The following SLC17A8 variants were observed in gnomAD, a reference collection of about 807,000 sequenced individuals.
SLC17A8 encodes solute carrier family 17 member 8.
SLC17A8 carries 31 observed loss-of-function variants against 58.0 expected under a neutral mutation model. That is an observed-to-expected ratio of 0.53 (90% confidence interval 0.40 to 0.72). SLC17A8 has a LOEUF of 0.72. Among genes scored for constraint, SLC17A8 ranks in the 30% least tolerant of loss-of-function variants. SLC17A8 has a pLI of 0.00. For missense variants in SLC17A8, 655 were observed against 727.8 expected (o/e 0.90, Z 1.15); for synonymous variants, 228 against 249.0 (o/e 0.92, Z 0.79).
intron 9 of SLC17A8, chr12:100,404,373 C>T: frequency 1.6e-6 from 1 of 618,628 alleles, no homozygotes; most frequent in Non-Finnish European, 2.9e-6. Flanking sequence ...ATACATCCTT[C>T]CACATTTATT....
At chr12:100,381,704 A>C (rs191582944) in intron 2 of SLC17A8, among the ~76,000 whole-genome samples, 1 of 152,312 alleles carries the variant, frequency 6.6e-6, no homozygotes, top group Admixed American at 6.5e-5. Context: ...GTAATGTTTT[A>C]AGTTCTTAAA....
chr12:100,403,193 T>C (rs1394703090), intron 8 of SLC17A8, among the ~76,000 whole-genome samples: 1 of 152,168 alleles, frequency 6.6e-6, no homozygotes, highest in Admixed American at 6.5e-5. Context: ...AGAACCTCTT[T>C]CTGCCAGGCG....
intron 1 of SLC17A8, among the ~76,000 whole-genome samples, chr12:100,364,776 G>A (rs1468738396): frequency 6.6e-6 from 1 of 152,300 alleles, no homozygotes; most frequent in Non-Finnish European, 1.5e-5. Flanking sequence ...ATGAGTCCAT[G>A]TATATCCTTA....
At chr12:100,362,635 G>A (rs1026057832) in intron 1 of SLC17A8, among the ~76,000 whole-genome samples, 2 of 152,268 alleles carry the variant, frequency 1.3e-5, no homozygotes, top group African/African-American at 4.8e-5. Context: ...GTGCTATGGT[G>A]TCTATGACAG....
rs1195845656 is a variant in SLC17A8, at chr12:100,391,095, T to C, written c.449T>C (p.Ile150Thr). The C allele has an allele frequency of 9.9e-6, 16 of 1,612,834 alleles. No homozygotes were observed. Among genetic ancestry groups the C allele is most frequent in the Non-Finnish European group, 1.3e-5 (15 of 1,179,004 alleles). The change falls in exon 3 of 12, where the codon ATT becomes ACT. Residue 150 changes from isoleucine to threonine, a missense_variant. Physicochemically the swap from Ile to Thr is moderately conservative, Grantham distance 89. Coordinates refer to ENST00000323346, the MANE Select transcript of SLC17A8 (RefSeq NM_139319.3). ...ATGACACAAATTCCAGGTGGTTTCA[T>C]TTCAAACAAGTTTGCTGCTAACAGG... ...YIMTQIPGGF[I>T]SNKFAANRVF...
intron 1 of SLC17A8, among the ~76,000 whole-genome samples, chr12:100,358,338 C>A (rs1434667991): frequency 6.6e-6 from 1 of 152,080 alleles, no homozygotes; most frequent in Non-Finnish European, 1.5e-5. Context: ...ATGATTATTT[C>A]TAATCCTGGT....
At chr12:100,411,636 CT>C (rs1402361152) in intron 9 of SLC17A8, among the ~76,000 whole-genome samples, 4 of 152,162 alleles carry the variant, frequency 2.6e-5, no homozygotes, top group Non-Finnish European at 4.4e-5. Context: ...CTTCCCCCTC[CT>C]AAGGCACTCT....
intron 1 of SLC17A8, among the ~76,000 whole-genome samples, chr12:100,369,291 T>C (rs1163504578): frequency 1.3e-5 from 2 of 152,010 alleles, no homozygotes; most frequent in East Asian, 3.9e-4. Flanking sequence ...CATAAATTAA[T>C]AAAAAATAAA....
chr12:100,418,235 A>G lies in SLC17A8; in HGVS notation c.1425+79A>G, dbSNP rs916393939. 3 of 1,574,814 alleles carry G rather than the reference A, an allele frequency of 1.9e-6. No individual in the cohort carries two copies. In the Admixed American group the frequency reaches 5.0e-5, roughly 26 times the overall value. ...CACAAACTTGAGATTTCAAGGCTCT[A>G]CTGCAGTCTGTAAATGTGTATGTCC... On this transcript the variant is annotated intron_variant, in intron 11 of 11. Transcript: ENST00000323346.
Position 100,401,817 on chromosome 12 carries a change from G to A in SLC17A8, c.717G>A (p.Gly239=), listed in dbSNP as rs769146574. 5 of 1,613,886 alleles carry A rather than the reference G, an allele frequency of 3.1e-6. No individual in the cohort carries two copies. The highest frequency in any genetic ancestry group is 4.2e-6 in the Non-Finnish European group (5 of 1,179,984). Residue 239 remains glycine, a synonymous_variant, in exon 6 of 12, where the codon GGG becomes GGA. Transcript: ENST00000323346. Reference sequence around the variant, plus strand: ...CAGTGGTTGCCATGCCCCTGGCTGGGGTGTTGGTGCAGTACATTGGATGGT... The same window carrying A: ...CAGTGGTTGCCATGCCCCTGGCTGGAGTGTTGGTGCAGTACATTGGATGGT... ...AGAVVAMPLA[G]VLVQYIGWSS...
chr12:100,383,443 C>T (rs530770198), intron 2 of SLC17A8, among the ~76,000 whole-genome samples: 1 of 152,236 alleles, frequency 6.6e-6, no homozygotes, highest in South Asian at 2.1e-4. Flanking sequence ...CTCTTGTCCG[C>T]CTAGAACAAA....
At chr12:100,363,371 T>TTTTG (rs1398815854) in intron 1 of SLC17A8, among the ~76,000 whole-genome samples, 1 of 152,038 alleles carries the variant, frequency 6.6e-6, no homozygotes, top group Non-Finnish European at 1.5e-5. Flanking sequence ...CTGTTGGGTT[T>TTTTG]TTTGTTTGTT....
intron 1 of SLC17A8, among the ~76,000 whole-genome samples, chr12:100,373,916 T>C (rs1274567317): frequency 1.3e-5 from 2 of 152,100 alleles, no homozygotes; most frequent in Non-Finnish European, 2.9e-5. Context: ...ACTTAGCACC[T>C]ATGCTGCTGA....
rs969677128 is a variant in SLC17A8 at position 100,357,182 on chromosome 12, G to A, written c.-210G>A. 5 of 532,772 alleles carry A rather than the reference G, an allele frequency of 9.4e-6. No homozygotes were observed. Among genetic ancestry groups the A allele is most frequent in the Non-Finnish European group, 1.7e-5 (5 of 295,362 alleles). The allele number at this position is 532,772 out of a possible 1,614,324, so 33.0% of individuals were successfully genotyped here. On this transcript the variant is annotated 5_prime_UTR_variant, in exon 1 of 12. Transcript: ENST00000323346. ...ACACCCCTTGGACTCTTTTTTGGAGGGGTGGGGAGCAGAGAGAGGAGGGAG... is the reference window on the plus strand; with the variant it reads ...ACACCCCTTGGACTCTTTTTTGGAGAGGTGGGGAGCAGAGAGAGGAGGGAG...
chr12:100,404,261 C>T, intron 9 of SLC17A8, 91 bp downstream of exon 9: 1 of 1,533,274 alleles, frequency 6.5e-7, no homozygotes, highest in Non-Finnish European at 9.0e-7. Flanking sequence ...GACATTTAGT[C>T]ATTGGAGTGG....
intron 3 of SLC17A8, among the ~76,000 whole-genome samples, chr12:100,392,982 C>A (rs915716295): frequency 6.6e-6 from 1 of 152,202 alleles, no homozygotes; most frequent in Non-Finnish European, 1.5e-5. Context: ...CCAGGCAGGA[C>A]ATCCCTGTGC....
chr12:100,400,725 G>A (rs2136003724), intron 5 of SLC17A8, among the ~76,000 whole-genome samples: 1 of 152,146 alleles, frequency 6.6e-6, no homozygotes, highest in African/African-American at 2.4e-5. Context: ...GGGAGTTTCA[G>A]AGAGTAACTT....
chr12:100,392,746 A>G (rs1045389251), intron 3 of SLC17A8, among the ~76,000 whole-genome samples: 2 of 152,316 alleles, frequency 1.3e-5, no homozygotes, highest in Non-Finnish European at 2.9e-5. Flanking sequence ...TGAGCTGGCC[A>G]GGAAATGGGA....
intron 1 of SLC17A8, among the ~76,000 whole-genome samples, chr12:100,362,365 G>T (rs1214328184): frequency 2.0e-5 from 3 of 152,136 alleles, no homozygotes; most frequent in African/African-American, 7.2e-5. Flanking sequence ...TCCTGATACT[G>T]CCTGGGCTAG....
Sources: allele counts gnomAD v4.1 joint callset (sites outside exome capture counted in the v4.1 genomes callset), GRCh38; gene constraint gnomAD v4.1.1; transcripts MANE v1.5; gene names NCBI Gene and HGNC (gene_info 2026-07-23, HGNC 2026-07-21).